CBLB: variants seen among roughly 807,000 people sequenced by gnomAD.
The protein encoded by CBLB is Cbl proto-oncogene B.
Under a neutral mutation model 104.9 loss-of-function variants are expected in CBLB, and 31 were observed. That is an observed-to-expected ratio of 0.30 (90% confidence interval 0.22 to 0.40). The LOEUF (loss-of-function observed/expected upper bound fraction) is 0.40. CBLB is among the 10% of genes least tolerant of loss of function. CBLB has a pLI of 1.00. For missense variants in CBLB, 1,062 were observed against 1,214.6 expected (o/e 0.87, Z 1.87); for synonymous variants, 440 against 422.6 (o/e 1.04, Z -0.51).
intron 12 of CBLB, among the ~76,000 whole-genome samples, chr3:105,701,606 T>C (rs1334905312): frequency 4.6e-5 from 7 of 151,936 alleles, no homozygotes. Flanking sequence ...CTACTAAAAA[T>C]ACAAAAATTA....
At chr3:105,780,671 T>TTG (rs1308891977) in intron 3 of CBLB, among the ~76,000 whole-genome samples, 2 of 118,698 alleles carry the variant, frequency 1.7e-5, no homozygotes, top group Non-Finnish European at 3.7e-5. Flanking sequence ...TTTTTTTTTT[T>TTG]TTTTTTTTTG....
At chr3:105,689,450 A>G (rs896204334) in intron 13 of CBLB, among the ~76,000 whole-genome samples, 11 of 151,354 alleles carry the variant, frequency 7.3e-5, no homozygotes, top group Admixed American at 2.6e-4. Context: ...TAAGTTTAAT[A>G]TATCAAAAGT....
chr3:105,727,288 ATTTC>A (rs1438349073), intron 9 of CBLB, among the ~76,000 whole-genome samples: 1 of 152,070 alleles, frequency 6.6e-6, no homozygotes, highest in African/African-American at 2.4e-5. Flanking sequence ...TTTGATTTGC[ATTTC>A]TCTAATGACA....
chr3:105,746,561 G>A lies in CBLB; in HGVS notation c.724-523C>T, dbSNP rs530449162. Among the ~76,000 whole-genome samples, 8 of 152,172 alleles carry A rather than the reference G, an allele frequency of 5.3e-5. No homozygotes were observed. In the East Asian group the frequency reaches 1.2e-3, roughly 22 times the overall value. On this transcript the variant is annotated intron_variant, in intron 5 of 18. Coordinates refer to ENST00000394030, the MANE Select transcript of CBLB (RefSeq NM_170662.5). ...CCCCCTCAGAGACTTTGTATTTGCC[G>A]ATGCCTTTACTTGAATTTTCTTCCC... is the stretch of plus-strand genomic sequence containing the variant.
At chr3:105,830,616 G>A (rs2087353231) in intron 3 of CBLB, among the ~76,000 whole-genome samples, 1 of 152,142 alleles carries the variant, frequency 6.6e-6, no homozygotes, top group Non-Finnish European at 1.5e-5. Context: ...ATAATTTACA[G>A]TCTAATATTA....
intron 3 of CBLB, among the ~76,000 whole-genome samples, chr3:105,822,674 C>A (rs912817312): frequency 2.0e-5 from 3 of 152,126 alleles, no homozygotes; most frequent in Non-Finnish European, 4.4e-5. Context: ...CTCTTAGTAC[C>A]CAAACAACTC....
At chr3:105,815,272 G>C (rs750618112) in intron 3 of CBLB, among the ~76,000 whole-genome samples, 1 of 151,982 alleles carries the variant, frequency 6.6e-6, no homozygotes. Context: ...TTGAATGAAT[G>C]ATAAAAATAT....
intron 3 of CBLB, among the ~76,000 whole-genome samples, chr3:105,813,265 T>C (rs1172439591): frequency 6.6e-6 from 1 of 152,062 alleles, no homozygotes; most frequent in Non-Finnish European, 1.5e-5. Flanking sequence ...AAACAAAACA[T>C]GGGGCTTATC....
chr3:105,691,966 A>G (rs989307262), intron 13 of CBLB, among the ~76,000 whole-genome samples: 7 of 152,320 alleles, frequency 4.6e-5, no homozygotes, highest in Admixed American at 4.6e-4. Flanking sequence ...ATTTGAAACT[A>G]CTAAGTTAGC....
At chr3:105,681,650 A>C in intron 15 of CBLB, 40 bp from the exon 16 acceptor site, 1 of 1,613,520 alleles carries the variant, frequency 6.2e-7, no homozygotes, top group Non-Finnish European at 8.5e-7. Context: ...TTTCAGTACA[A>C]TGGCATGAAA....
chr3:105,765,416 T>C (rs1427829865), intron 4 of CBLB, among the ~76,000 whole-genome samples: 2 of 152,190 alleles, frequency 1.3e-5, no homozygotes, highest in East Asian at 3.8e-4. Flanking sequence ...TGTTTGGCCA[T>C]CTGTAAATTA....
rs1386796717 is a variant in CBLB at position 105,685,414 on chromosome 3, C to G, written c.2107G>C (p.Glu703Gln). The change falls in exon 14 of 19, where the codon GAG becomes CAG. Residue 703 changes from glutamate to glutamine, a missense_variant. Glu to Gln is a conservative substitution (Grantham distance 29). This residue lies in a region of CBLB where 605 missense variants were observed against 582.6 expected (regional missense o/e 1.04). Transcript: ENST00000394030. ...ATCTTGTATTCATCATCATCTTCCT[C>G]TACTGGGTCTCTTGTTTTCTCTGAA... ...SLSEKTRDPV[E>Q]EDDDEYKIPS... is the part of the protein sequence containing the mutation. 1 of 1,612,794 alleles carries G rather than the reference C, an allele frequency of 6.2e-7. No homozygotes were observed. The highest frequency in any genetic ancestry group is 8.5e-7 in the Non-Finnish European group (1 of 1,178,894).
chr3:105,743,655 A>C (rs1434907937), intron 6 of CBLB, among the ~76,000 whole-genome samples: 1 of 151,628 alleles, frequency 6.6e-6, no homozygotes, highest in African/African-American at 2.4e-5. Context: ...GCACAACCTA[A>C]GGAGCCAAAA....
intron 12 of CBLB, among the ~76,000 whole-genome samples, chr3:105,697,686 A>T (rs2068557931): frequency 6.6e-6 from 1 of 152,076 alleles, no homozygotes; most frequent in Non-Finnish European, 1.5e-5. Context: ...AACTGCAAAA[A>T]GGGAAATCAT....
At chr3:105,853,957 C>T (rs1482554832) in intron 2 of CBLB, among the ~76,000 whole-genome samples, 1 of 152,112 alleles carries the variant, frequency 6.6e-6, no homozygotes, top group Non-Finnish European at 1.5e-5. Context: ...ATGCTAATCA[C>T]TGTATATCAC....
chr3:105,726,971 G>A (rs1019020206), intron 9 of CBLB, among the ~76,000 whole-genome samples: 11 of 152,280 alleles, frequency 7.2e-5, no homozygotes, highest in African/African-American at 2.6e-4. Flanking sequence ...ATTTGGGTTG[G>A]TTCCAAGTCT....
chr3:105,766,298 G>A (rs897046288), intron 4 of CBLB, among the ~76,000 whole-genome samples: 1 of 152,166 alleles, frequency 6.6e-6, no homozygotes, highest in Non-Finnish European at 1.5e-5. Context: ...TGTGAACACT[G>A]CTGATATTAC....
At chr3:105,692,790 T>C (rs1020486359) in intron 13 of CBLB, among the ~76,000 whole-genome samples, 1 of 150,940 alleles carries the variant, frequency 6.6e-6, no homozygotes, top group Middle Eastern at 3.4e-3. Flanking sequence ...AAGGCAGACA[T>C]CCTGACTTCA....
rs72997609 is a variant in CBLB at position 105,798,645 on chromosome 3, C to T, written c.420-22103G>A. 6.0e-3 allele frequency among the ~76,000 whole-genome samples: 915 copies of T among 152,262 alleles called. 10 individuals are homozygous for T. The highest frequency in any genetic ancestry group is 0.021 in the African/African-American group (873 of 41,542). On this transcript the variant is annotated intron_variant, in intron 3 of 18. Transcript: ENST00000394030. Reference sequence around the variant, plus strand: ...ATGGAGATTTAAGTCTGTTTTTCCTCCCCATCTTTAGTCAGAACCAGATGT... The same window carrying T: ...ATGGAGATTTAAGTCTGTTTTTCCTTCCCATCTTTAGTCAGAACCAGATGT...
Sources: gnomAD v4.1 joint callset for allele counts (sites outside exome capture counted in the v4.1 genomes callset) on GRCh38, gnomAD v4.1.1 for gene constraint, gnomAD v4.1.1 regional missense constraint, MANE v1.5 for transcripts, NCBI Gene and HGNC (gene_info 2026-07-23, HGNC 2026-07-21) for gene names.